ATP9B: variants seen among roughly 807,000 people sequenced by gnomAD.
ATP9B encodes ATPase phospholipid transporting 9B.
ATP9B carries 110 observed loss-of-function variants against 146.1 expected under a neutral mutation model. The ratio of observed to expected loss-of-function variants is 0.75; its 90% CI spans 0.65 to 0.88. The LOEUF is 0.88. Ranked by LOEUF, ATP9B falls within the 40% of genes least tolerant of loss-of-function variation. The pLI is 0.00. For synonymous variants in ATP9B, 604 were observed against 569.7 expected, an observed-to-expected ratio of 1.06 and a Z score of -0.86; for missense variants, 1,499 against 1,496.4, an observed-to-expected ratio of 1.00 and a Z score of -0.03.
In ATP9B at chr18:79,245,626, G is replaced by GGAGGGTACCGCCCTACTGACTGC. The variant is rs1568482896; in HGVS notation, c.1108-7754_1108-7753insAGGGTACCGCCCTACTGACTGCG. Among the ~76,000 whole-genome samples, 237 of 98,920 alleles carry GGAGGGTACCGCCCTACTGACTGC rather than the reference G, an allele frequency of 2.4e-3. 1 individual carries two copies. The highest frequency in any genetic ancestry group is 4.5e-3 in the Non-Finnish European group (187 of 41,978). The allele number at this position is 98,920 out of a possible 152,430, so 64.9% of individuals were successfully genotyped here. ...GCGGAGGGTACCACCCTACTGACTGGGGAGGGTACCGCCCTACTGACTGAG... is the reference window on the plus strand; with the variant it reads ...GCGGAGGGTACCACCCTACTGACTGGGAGGGTACCGCCCTACTGACTGCGGAGGGTACCGCCCTACTGACTGAG... On this transcript the variant is annotated intron_variant, in intron 11 of 29. Coordinates refer to ENST00000426216, the MANE Select transcript of ATP9B (RefSeq NM_198531.5).
chr18:79,253,303 T>C, intron 11 of ATP9B, 78 bp from the exon 12 acceptor site: 4 of 1,278,414 alleles, frequency 3.1e-6, no homozygotes, highest in Non-Finnish European at 4.3e-6. Context: ...TTTTATGTCA[T>C]CACTACCATG....
Position 79,303,712 on chromosome 18 carries a change from C to G in ATP9B, c.1520C>G (p.Ser507Ter). The G allele has an allele frequency of 6.2e-7, 1 of 1,613,220 alleles. No individual in the cohort carries two copies. The highest frequency in any genetic ancestry group is 8.5e-7 in the Non-Finnish European group (1 of 1,179,404). Residue 507 changes from serine to a stop codon, truncating the protein, a stop_gained, in exon 14 of 30, where the codon TCA becomes TGA. Coordinates refer to ENST00000426216, the MANE Select transcript of ATP9B (RefSeq NM_198531.5). LOFTEE classifies it high-confidence loss of function. ...EIQSHVRDSY[S>*]QMQSQAGGNN... is the part of the protein sequence containing the mutation. Reference sequence around the variant, plus strand: ...CAGAGCCATGTCAGGGACTCCTACTCACAGGTAAGTGGGTTCCTCCTGCAC... The same window carrying G: ...CAGAGCCATGTCAGGGACTCCTACTGACAGGTAAGTGGGTTCCTCCTGCAC...
intron 4 of ATP9B, among the ~76,000 whole-genome samples, chr18:79,118,259 T>C (rs1296531915): frequency 6.6e-6 from 1 of 152,194 alleles, no homozygotes; most frequent in African/African-American, 2.4e-5. Flanking sequence ...GTGTACTTCC[T>C]AGAAGTCTCA....
intron 20 of ATP9B, among the ~76,000 whole-genome samples, chr18:79,343,499 C>T (rs2147424528): frequency 6.6e-6 from 1 of 152,232 alleles, no homozygotes. Context: ...CTTACTTTTA[C>T]TCTTTTAGGT....
intron 4 of ATP9B, among the ~76,000 whole-genome samples, chr18:79,118,647 G>A (rs1004725788): frequency 3.3e-5 from 5 of 151,782 alleles, no homozygotes; most frequent in African/African-American, 9.7e-5. Flanking sequence ...TGATCCGTCC[G>A]CCTCAGCCTC....
At chr18:79,225,234 T>G (rs1365831027) in intron 11 of ATP9B, among the ~76,000 whole-genome samples, 1 of 152,228 alleles carries the variant, frequency 6.6e-6, no homozygotes, top group African/African-American at 2.4e-5. Flanking sequence ...TTATTGACAT[T>G]AGAGTAGAAA....
intron 7 of ATP9B, among the ~76,000 whole-genome samples, chr18:79,165,529 A>G (rs928318114): frequency 6.6e-6 from 1 of 152,234 alleles, no homozygotes; most frequent in African/African-American, 2.4e-5. Flanking sequence ...CTTTTCATCC[A>G]TTGAAGAGAA....
rs1460714237 is a variant in ATP9B, at chr18:79,348,271, A to G, written c.2903+75A>G. The G allele has an allele frequency of 3.3e-6, 4 of 1,217,216 alleles. 1 individual carries two copies. The highest frequency in any genetic ancestry group is 4.8e-5 in the East Asian group (2 of 41,540). 75.4% of individuals were successfully genotyped at this position (1,217,216 alleles called of 1,614,324 possible). ...TTGAAAAAAAAAAAAAAAAAAAAAC[A>G]AAAAACGTATATAGAAGATTCTTGA... On this transcript the variant is annotated intron_variant, in intron 25 of 29. Transcript: ENST00000426216.
At chr18:79,236,605 A>C in intron 11 of ATP9B, among the ~76,000 whole-genome samples, 1 of 152,330 alleles carries the variant, frequency 6.6e-6, no homozygotes. Context: ...TTTGTATATA[A>C]GAAGAAGTAG....
intron 10 of ATP9B, among the ~76,000 whole-genome samples, chr18:79,207,490 G>C (rs2095545537): frequency 6.6e-6 from 1 of 152,208 alleles, no homozygotes; most frequent in Non-Finnish European, 1.5e-5. Flanking sequence ...TGATTACCAT[G>C]TTATCAGGTA....
At position 79,253,424 on chromosome 18, in the gene ATP9B, T is replaced by C. The variant is rs1226045418; in HGVS notation, c.1151T>C (p.Leu384Pro). Residue 384 changes from leucine to proline, a missense_variant, in exon 12 of 30, where the codon CTA (leucine) becomes CCA (proline). Coordinates refer to ENST00000426216, the MANE Select transcript of ATP9B (RefSeq NM_198531.5). ...GAACTCAATCGGCTGACGAAAGCGC[T>C]ATTTTTGGCTTTAGTTGCTCTTTCC... The part of the protein sequence containing the change: ...DLELNRLTKA[L>P]FLALVALSIV... 1 of 1,613,302 alleles carries C rather than the reference T, an allele frequency of 6.2e-7. No individual in the cohort carries two copies. Among genetic ancestry groups the C allele is most frequent in the East Asian group, 2.2e-5 (1 of 44,858 alleles).
chr18:79,101,878 A>G (rs2075301783), intron 2 of ATP9B, among the ~76,000 whole-genome samples: 1 of 152,138 alleles, frequency 6.6e-6, no homozygotes. Flanking sequence ...AGTTCTTTAC[A>G]TATTCTAACT....
At chr18:79,248,151 A>G (rs1956807352) in intron 11 of ATP9B, among the ~76,000 whole-genome samples, 3 of 152,260 alleles carry the variant, frequency 2.0e-5, no homozygotes, top group East Asian at 1.9e-4. Context: ...GTCAGCCTGC[A>G]TGTACTACAC....
At chr18:79,213,851 A>G (rs1218369938) in intron 10 of ATP9B, 111 bp from the exon 11 acceptor site, 3 of 786,782 alleles carry the variant, frequency 3.8e-6, no homozygotes, top group Non-Finnish European at 5.8e-6. Context: ...ATAAATTTAT[A>G]TAAAATCAAA....
intron 15 of ATP9B, among the ~76,000 whole-genome samples, chr18:79,322,102 G>A (rs2096719353): frequency 1.3e-5 from 2 of 152,246 alleles, no homozygotes; most frequent in Admixed American, 6.5e-5. Context: ...TGACCCCCAC[G>A]TGCCTTTTTT....
chr18:79,308,682 TG>T (rs1819770841), intron 15 of ATP9B, among the ~76,000 whole-genome samples: 1 of 111,952 alleles, frequency 8.9e-6, no homozygotes, highest in Non-Finnish European at 1.9e-5. Flanking sequence ...GGTGGTGGAG[TG>T]ATCCCCAGCA....
intron 8 of ATP9B, among the ~76,000 whole-genome samples, chr18:79,181,952 C>T (rs1367023080): frequency 6.6e-6 from 1 of 151,966 alleles, no homozygotes; most frequent in Non-Finnish European, 1.5e-5. Flanking sequence ...CTTTCCGTGT[C>T]TGGTAATTTT....
chr18:79,159,438 A>G (rs970034585), intron 7 of ATP9B, among the ~76,000 whole-genome samples: 1 of 152,130 alleles, frequency 6.6e-6, no homozygotes, highest in African/African-American at 2.4e-5. Flanking sequence ...CCACACAAGC[A>G]TCTGACTGCA....
intron 21 of ATP9B, 66 bp from the exon 22 acceptor site, chr18:79,345,362 A>G (rs997182440): frequency 2.5e-6 from 4 of 1,578,740 alleles, no homozygotes; most frequent in Admixed American, 3.4e-5. Context: ...TGCACTTTCT[A>G]CATTACACAA....
Sources: gnomAD v4.1 joint callset for allele counts (sites outside exome capture counted in the v4.1 genomes callset) on GRCh38, gnomAD v4.1.1 for gene constraint, MANE v1.5 for transcripts, NCBI Gene and HGNC (gene_info 2026-07-23, HGNC 2026-07-21) for gene names.